The following STAB2 variants were observed in gnomAD, a reference collection of about 807,000 sequenced individuals.
STAB2 encodes the protein stabilin 2, also known as stabilin-2.
Under a neutral mutation model 338.1 loss-of-function variants are expected in STAB2, and 288 were observed. The ratio of observed to expected loss-of-function variants is 0.85; its 90% CI spans 0.77 to 0.94. The LOEUF is 0.94. STAB2 is among the 40% of genes least tolerant of loss of function. The pLI, the probability that STAB2 is intolerant of heterozygous loss-of-function variation, is 0.00. For missense variants in STAB2, 3,141 were observed against 3,210.1 expected, an observed-to-expected ratio of 0.98 and a Z score of 0.52; for synonymous variants, 1,202 against 1,193.3, an observed-to-expected ratio of 1.01 and a Z score of -0.15.
chr12:103,719,218 C>T (rs1054007782), intron 44 of STAB2, among the ~76,000 whole-genome samples: 3 of 152,200 alleles, frequency 2.0e-5, no homozygotes, highest in African/African-American at 7.2e-5. Context: ...CCTCTGAAGT[C>T]CTGCATCAAT....
chr12:103,727,950 A>G (rs1366397589), intron 47 of STAB2, among the ~76,000 whole-genome samples: 1 of 152,156 alleles, frequency 6.6e-6, no homozygotes, highest in Non-Finnish European at 1.5e-5. Flanking sequence ...GGTGGAGCAA[A>G]GACCCAAACC....
intron 48 of STAB2, among the ~76,000 whole-genome samples, chr12:103,729,457 T>A (rs1480525307): frequency 6.6e-6 from 1 of 152,234 alleles, no homozygotes; most frequent in Non-Finnish European, 1.5e-5. Flanking sequence ...CGTTAAGTGA[T>A]TTCTGTATGC....
At chr12:103,737,593 TC>T (rs1882234136) in intron 52 of STAB2, 40 bp from the exon 53 acceptor site, 16 of 1,390,354 alleles carry the variant, frequency 1.2e-5, no homozygotes, top group South Asian at 8.1e-5. Flanking sequence ...TCTCTCTCTC[TC>T]TCTCTCTTTC....
intron 9 of STAB2, among the ~76,000 whole-genome samples, chr12:103,641,443 C>T (rs1390123241): frequency 1.3e-5 from 2 of 152,182 alleles, no homozygotes; most frequent in African/African-American, 2.4e-5. Flanking sequence ...GGATTACATT[C>T]GTCAATCTCT....
In STAB2 at chr12:103,682,432, GA is replaced by G. The variant is rs777044210; in HGVS notation, c.2806-772del. On this transcript the variant is annotated intron_variant, in intron 25 of 68. Transcript: ENST00000388887. The stretch of plus-strand genomic sequence containing the variant: ...CCAAATGGACACAAACCTTAATTAC[GA>G]GGAATGCTGCTTTAAAAAGACAAAC... 1.7e-3 allele frequency among the ~76,000 whole-genome samples: 255 copies of G among 152,288 alleles called. 1 individual carries two copies. Among genetic ancestry groups the G allele is most frequent in the Non-Finnish European group, 3.0e-3 (207 of 68,028 alleles).
At chr12:103,666,709 C>G (rs894517212) in intron 19 of STAB2, among the ~76,000 whole-genome samples, 5 of 152,222 alleles carry the variant, frequency 3.3e-5, no homozygotes, top group South Asian at 4.1e-4. Flanking sequence ...TAGATGTCCA[C>G]TTTTGGGTGG....
chr12:103,753,139 GA>G (rs1883811685), intron 60 of STAB2, 80 bp from the exon 61 acceptor site: 1 of 1,556,148 alleles, frequency 6.4e-7, no homozygotes, highest in Non-Finnish European at 8.7e-7. Flanking sequence ...CCTTCATTTT[GA>G]AAGTCCTTCA....
At chr12:103,637,081 T>C (rs1957558898) in intron 6 of STAB2, 30 bp from the exon 7 acceptor site, 1 of 1,583,954 alleles carries the variant, frequency 6.3e-7, no homozygotes, top group South Asian at 1.2e-5. Context: ...ATTCTACTAA[T>C]GCAAGTACTT....
At chr12:103,604,438 T>A (rs1380224516) in intron 3 of STAB2, among the ~76,000 whole-genome samples, 2 of 152,048 alleles carry the variant, frequency 1.3e-5, no homozygotes, top group Non-Finnish European at 2.9e-5. Flanking sequence ...AAAACTGATA[T>A]AACTTCTTCC....
chr12:103,667,545 A>AG (rs1307205926), intron 19 of STAB2, among the ~76,000 whole-genome samples: 3 of 152,164 alleles, frequency 2.0e-5, no homozygotes, highest in African/African-American at 7.2e-5. Context: ...GAGAAGGAAG[A>AG]GGGAAAAGAA....
Position 103,737,720 on chromosome 12 carries a change from T to C in STAB2, c.5637T>C (p.Cys1879=). ...FDLGVAYGID[C]LLIDPTLGGR... ...TGGGTGTGGCCTACGGCATTGACTG[T>C]CTGCTGATTGATCCCACCCTGGGGG... Residue 1879 remains cysteine (C), a synonymous_variant, in exon 53 of 69, where the codon TGT becomes TGC. Coordinates refer to ENST00000388887, the MANE Select transcript of STAB2 (RefSeq NM_017564.10). 1 of 1,613,904 alleles carries C rather than the reference T, an allele frequency of 6.2e-7. No homozygotes were observed. Among genetic ancestry groups the C allele is most frequent in the Non-Finnish European group, 8.5e-7 (1 of 1,179,978 alleles).
chr12:103,766,444 G>C lies in STAB2; in HGVS notation c.*108G>C. Reference sequence around the variant, plus strand: ...GAACGTAAAGTCCTTTAAGCACTCAGAAGCCATACCTCATCTCTCTGGCTG... The same window carrying C: ...GAACGTAAAGTCCTTTAAGCACTCACAAGCCATACCTCATCTCTCTGGCTG... On this transcript the variant is annotated 3_prime_UTR_variant, in exon 69 of 69. Transcript: ENST00000388887. 7.8e-7 allele frequency: 1 copy of C among 1,289,570 alleles called. No homozygotes were observed. Among genetic ancestry groups the C allele is most frequent in the Non-Finnish European group, 1.1e-6 (1 of 931,478 alleles). The allele number at this position is 1,289,570 out of a possible 1,614,324, so 79.9% of individuals were successfully genotyped here.
chr12:103,725,559 C>T (rs565625872), intron 45 of STAB2, among the ~76,000 whole-genome samples: 46 of 151,786 alleles, frequency 3.0e-4, no homozygotes, highest in Non-Finnish European at 5.0e-4. Context: ...TGCATGTGTG[C>T]GTGCACGTGT....
chr12:103,696,303 C>T (rs999881132), intron 33 of STAB2, among the ~76,000 whole-genome samples: 1 of 152,024 alleles, frequency 6.6e-6, no homozygotes, highest in African/African-American at 2.4e-5. Flanking sequence ...TTCAGTGCCA[C>T]CCCCATCTTA....
chr12:103,633,075 C>A (rs1957489335), intron 6 of STAB2, among the ~76,000 whole-genome samples: 1 of 152,206 alleles, frequency 6.6e-6, no homozygotes, highest in African/African-American at 2.4e-5. Context: ...TGAAAGCCTC[C>A]AGTCCAAATG....
chr12:103,761,542 C>T, intron 66 of STAB2, 132 bp downstream of exon 66: 1 of 767,018 alleles, frequency 1.3e-6, no homozygotes, highest in Middle Eastern at 3.9e-4. Context: ...CAGCCTCCAA[C>T]CTCCAAGGTA....
chr12:103,698,953 T>G, intron 33 of STAB2, 143 bp from the exon 34 acceptor site: 1 of 979,632 alleles, frequency 1.0e-6, no homozygotes, highest in South Asian at 2.2e-5. Flanking sequence ...TATTGAATAT[T>G]GTGTCTTAAT....
At chr12:103,754,476 G>A (rs1258321796) in intron 61 of STAB2, among the ~76,000 whole-genome samples, 4 of 152,082 alleles carry the variant, frequency 2.6e-5, no homozygotes, top group African/African-American at 9.7e-5. Context: ...GGTTGATTGA[G>A]AGTTAAAGGT....
chr12:103,669,946 T>A (rs1402283163), intron 21 of STAB2, among the ~76,000 whole-genome samples: 1 of 152,206 alleles, frequency 6.6e-6, no homozygotes, highest in Non-Finnish European at 1.5e-5. Flanking sequence ...TCTTCAAGAC[T>A]CCTTCCAGAA....
Sources: gnomAD v4.1 joint callset for allele counts (sites outside exome capture counted in the v4.1 genomes callset) on GRCh38, gnomAD v4.1.1 for gene constraint, MANE v1.5 for transcripts, NCBI Gene and HGNC (gene_info 2026-07-23, HGNC 2026-07-21) for gene names.